SASH1: variants seen among roughly 807,000 people sequenced by gnomAD.
The protein encoded by SASH1 is SAM and SH3 domain containing 1.
In SASH1, 44 loss-of-function variants were observed where a neutral mutation model predicts 125.2. That is an observed-to-expected ratio of 0.35 (90% CI 0.28 to 0.45). The LOEUF (loss-of-function observed/expected upper bound fraction) is 0.45. Among genes scored for constraint, SASH1 ranks in the 20% least tolerant of loss-of-function variants. SASH1 has a pLI of 1.00. For synonymous variants in SASH1, 639 were observed against 649.1 expected (o/e 0.98, Z 0.24); for missense variants, 1,426 against 1,614.5 (o/e 0.88, Z 2.00).
At chr6:148,342,436 G>T (rs552984711), upstream of SASH1, among the ~76,000 whole-genome samples, 1 of 152,202 alleles carries the variant, frequency 6.6e-6, no homozygotes, top group South Asian at 2.1e-4. Context: ...AAACTTGTGC[G>T]GGCCGGAGAC....
chr6:148,289,204 C>T (rs1363603887), intron 1 of SASH1, among the ~76,000 whole-genome samples: 1 of 152,172 alleles, frequency 6.6e-6, no homozygotes, highest in African/African-American at 2.4e-5. Flanking sequence ...TGTTTTCATT[C>T]CCAGCCCAGG....
chr6:148,333,524 T>C (rs537041704), intron 1 of SASH1, among the ~76,000 whole-genome samples: 1 of 152,342 alleles, frequency 6.6e-6, no homozygotes, highest in East Asian at 1.9e-4. Context: ...GTTGTGGGCA[T>C]GTACTTTGAG....
At chr6:148,401,744 G>A (rs756668998) in intron 2 of SASH1, among the ~76,000 whole-genome samples, 38 of 152,094 alleles carry the variant, frequency 2.5e-4, no homozygotes, top group Non-Finnish European at 4.1e-4. Flanking sequence ...AACCAAATTG[G>A]AAGCACATCA....
chr6:148,391,356 C>T (rs1783718330), intron 2 of SASH1, among the ~76,000 whole-genome samples: 2 of 149,998 alleles, frequency 1.3e-5, no homozygotes, highest in Admixed American at 6.7e-5. Context: ...TGACCACCCG[C>T]GTTGGCCTCC....
At chr6:148,293,383 G>T (rs1180624611) in intron 1 of SASH1, among the ~76,000 whole-genome samples, 1 of 152,170 alleles carries the variant, frequency 6.6e-6, no homozygotes, top group East Asian at 1.9e-4. Context: ...ATACATGCCT[G>T]GGGTGAGGAA....
At chr6:148,349,723 C>T (rs149254372) in intron 1 of SASH1, among the ~76,000 whole-genome samples, 1,631 of 152,288 alleles carry the variant, frequency 0.011, 17 homozygotes, top group Non-Finnish European at 0.015. Context: ...ACACTTTGTA[C>T]AGTCTCTAAA....
At chr6:148,271,450 T>C (rs1779059900), upstream of SASH1, among the ~76,000 whole-genome samples, 1 of 152,254 alleles carries the variant, frequency 6.6e-6, no homozygotes, top group Non-Finnish European at 1.5e-5. Flanking sequence ...TATTCACTGA[T>C]GTTACCAACA....
chr6:148,402,558 C>T (rs543664153), intron 2 of SASH1, among the ~76,000 whole-genome samples: 49 of 151,840 alleles, frequency 3.2e-4, no homozygotes, highest in Non-Finnish European at 6.6e-4. Context: ...ATCCGCCTGC[C>T]TTGGCCTCCC....
chr6:148,327,056 A>G (rs1429352414), intron 1 of SASH1, among the ~76,000 whole-genome samples: 2 of 152,062 alleles, frequency 1.3e-5, no homozygotes, highest in Non-Finnish European at 2.9e-5. Flanking sequence ...CCCCTTCATG[A>G]ACAATTCTTG....
chr6:148,263,897 A>G, the SASH1 span, among the ~76,000 whole-genome samples: 1 of 152,206 alleles, frequency 6.6e-6, no homozygotes, highest in Non-Finnish European at 1.5e-5. Context: ...TCCGGAGGAA[A>G]TCTGAATGTC....
the SASH1 span, among the ~76,000 whole-genome samples, chr6:148,220,414 C>T: frequency 3.3e-5 from 5 of 152,178 alleles, no homozygotes; most frequent in African/African-American, 1.2e-4. Flanking sequence ...ACTTAATCAT[C>T]CATGACAATC....
chr6:148,454,907 G>A (rs560517926), intron 4 of SASH1, among the ~76,000 whole-genome samples: 24 of 152,292 alleles, frequency 1.6e-4, no homozygotes, highest in African/African-American at 4.3e-4. Flanking sequence ...TCAAGACAAC[G>A]CAGTCCCCAA....
chr6:148,471,412 TTAAG>T lies in SASH1; in HGVS notation c.428-4_428-1del. The T allele has an allele frequency of 9.1e-7, 1 of 1,098,574 alleles. No individual in the cohort carries two copies. The highest frequency in any genetic ancestry group is 1.3e-6 in the Non-Finnish European group (1 of 789,204). The allele number at this position is 1,098,574 out of a possible 1,614,324, so 68.1% of individuals were successfully genotyped here. ...TTTTTTTTTTTTTTTTTTTTTTTTT[TTAAG>T]GAAAAGGAGACTGGAAGAAGAAAAA... is the stretch of plus-strand genomic sequence containing the variant. On this transcript the variant is annotated splice_acceptor_variant and splice_polypyrimidine_tract_variant and intron_variant, in intron 5 of 19. Coordinates refer to ENST00000367467, the MANE Select transcript of SASH1 (RefSeq NM_015278.5). LOFTEE classifies it high-confidence loss of function.
At chr6:148,366,124 GAA>G (rs55775118) in intron 1 of SASH1, among the ~76,000 whole-genome samples, 2 of 145,428 alleles carry the variant, frequency 1.4e-5, no homozygotes, top group African/African-American at 2.5e-5. Flanking sequence ...AAAAAGAAAA[GAA>G]AAAAAAAAAT....
chr6:148,233,935 C>T, the SASH1 span, among the ~76,000 whole-genome samples: 1 of 151,038 alleles, frequency 6.6e-6, no homozygotes, highest in Non-Finnish European at 1.5e-5. Context: ...ACTAAATGTT[C>T]CTCCCTTTAT....
At chr6:148,290,312 T>C (rs1201300293) in intron 1 of SASH1, among the ~76,000 whole-genome samples, 1 of 151,740 alleles carries the variant, frequency 6.6e-6, no homozygotes, top group African/African-American at 2.4e-5. Flanking sequence ...TAGGAATTAA[T>C]GAAAACGTTC....
At chr6:148,460,858 C>T (rs899491093) in intron 4 of SASH1, among the ~76,000 whole-genome samples, 2 of 152,078 alleles carry the variant, frequency 1.3e-5, no homozygotes, top group Non-Finnish European at 1.5e-5. Flanking sequence ...GTGTCCATCT[C>T]AATTATTTGA....
In SASH1 at chr6:148,549,982, G is replaced by A. The variant is rs1335405694; in HGVS notation, c.*1424G>A. 6.5e-6 allele frequency: 1 copy of A among 154,906 alleles called. No homozygotes were observed. The highest frequency in any genetic ancestry group is 1.4e-5 in the Non-Finnish European group (1 of 69,920). The allele number at this position is 154,906 out of a possible 1,614,324, so 9.6% of individuals were successfully genotyped here. On this transcript the variant is annotated 3_prime_UTR_variant, in exon 20 of 20. Transcript: ENST00000367467. Reference sequence around the variant, plus strand: ...CCACCACCACGCCCAGCTAATTTTTGTATTATTAGTAGAGACAGGGTTTCA... The same window carrying A: ...CCACCACCACGCCCAGCTAATTTTTATATTATTAGTAGAGACAGGGTTTCA...
chr6:148,332,114 T>A (rs1237325080), intron 1 of SASH1, among the ~76,000 whole-genome samples: 2 of 152,202 alleles, frequency 1.3e-5, no homozygotes, highest in East Asian at 3.8e-4. Flanking sequence ...CTCCCACTTC[T>A]TTCACCAAAC....
Sources: allele counts gnomAD v4.1 joint callset (sites outside exome capture counted in the v4.1 genomes callset), GRCh38; gene constraint gnomAD v4.1.1; transcripts MANE v1.5; gene names NCBI Gene and HGNC (gene_info 2026-07-23, HGNC 2026-07-21).